Variants in ESCO2 observed in about 807,000 individuals in gnomAD.
ESCO2 encodes the protein N-acetyltransferase ESCO2.
A neutral mutation model predicts 61.7 loss-of-function variants in ESCO2; 51 were observed. That is an observed-to-expected ratio of 0.83 (90% CI 0.66 to 1.04). The LOEUF is 1.04. ESCO2 is among the 50% of genes least tolerant of loss of function. The probability of loss-of-function intolerance (pLI) is 0.00; values close to 1 mark genes in which losing one functional copy is unlikely to be tolerated. For missense variants in ESCO2, 692 were observed against 686.2 expected, an observed-to-expected ratio of 1.01 and a Z score of -0.09; for synonymous variants, 230 against 238.2, an observed-to-expected ratio of 0.97 and a Z score of 0.32.
At chr8:27,817,890 C>T in the ESCO2 span, among the ~76,000 whole-genome samples, 1 of 152,150 alleles carries the variant, frequency 6.6e-6, no homozygotes, top group South Asian at 2.1e-4. Context: ...ATTAAATCTC[C>T]TAAATCTGCA....
chr8:27,775,071 A>G (rs1448314670), intron 1 of ESCO2, among the ~76,000 whole-genome samples: 2 of 152,224 alleles, frequency 1.3e-5, no homozygotes, highest in South Asian at 4.1e-4. Context: ...CGAGCCACGT[A>G]GCCGCCTGCT....
intron 9 of ESCO2, among the ~76,000 whole-genome samples, chr8:27,797,041 G>A (rs1164609663): frequency 6.6e-6 from 1 of 152,188 alleles, no homozygotes; most frequent in East Asian, 1.9e-4. Flanking sequence ...GAGCCCAGGA[G>A]TTCGAAGCTG....
Position 27,776,949 on chromosome 8 carries a change from GAAAAAAATCTTCTCT to G in ESCO2, c.642_656del (p.Arg214_Leu219delinsSer). On this transcript the variant is annotated inframe_deletion, in exon 3 of 11. Transcript: ENST00000305188. Reference sequence around the variant, plus strand: ...CAGGGTGGAGCAGCATTTTTTGTTAGAAAAAAATCTTCTCTTAGAAAATCGTCCCTGGAAAATGAG... The same window carrying G: ...CAGGGTGGAGCAGCATTTTTTGTTAGTAGAAAATCGTCCCTGGAAAATGAG... 1 of 1,611,998 alleles carries G rather than the reference GAAAAAAATCTTCTCT, an allele frequency of 6.2e-7. No individual in the cohort carries two copies. Among genetic ancestry groups the G allele is most frequent in the Non-Finnish European group, 8.5e-7 (1 of 1,179,494 alleles).
chr8:27,798,545 G>A (rs1805354736), intron 9 of ESCO2, among the ~76,000 whole-genome samples: 1 of 151,480 alleles, frequency 6.6e-6, no homozygotes, highest in African/African-American at 2.4e-5. Context: ...AAGGAAAACT[G>A]ATGTACACAC....
Position 27,776,725 on chromosome 8 carries a change from A to G in ESCO2, c.417A>G (p.Lys139=). The change falls in exon 3 of 11, where the codon AAA becomes AAG. Residue 139 remains lysine (K), a synonymous_variant. Transcript: ENST00000305188. ...KPVCSKKNNK[K]PQKSLTAKYQ... is the part of the protein sequence containing the mutation. ...TCTGCTCCAAGAAGAACAACAAAAA[A>G]CCACAGAAGAGTTTAACTGCTAAGT... The G allele has an allele frequency of 1.2e-6, 2 of 1,613,930 alleles. No homozygotes were observed. Among genetic ancestry groups the G allele is most frequent in the Non-Finnish European group, 1.7e-6 (2 of 1,180,032 alleles).
At chr8:27,794,748 T>C (rs1264489776) in intron 9 of ESCO2, among the ~76,000 whole-genome samples, 1 of 152,198 alleles carries the variant, frequency 6.6e-6, no homozygotes, top group Admixed American at 6.5e-5. Flanking sequence ...GAGTTGATTT[T>C]TGTATGTGGT....
chr8:27,776,779 T>C lies in ESCO2; in HGVS notation c.471T>C (p.Pro157=). Residue 157 remains proline, a synonymous_variant, in exon 3 of 11, where the codon CCT becomes CCC. Coordinates refer to ENST00000305188, the MANE Select transcript of ESCO2 (RefSeq NM_001017420.3). ...AACCAAAGTATAGACACATCAAGCC[T>C]GTATCAAGGAATTCTAGAAATTCCA... ...KYQPKYRHIK[P]VSRNSRNSKQ... 1 of 1,614,044 alleles carries C rather than the reference T, an allele frequency of 6.2e-7. No individual in the cohort carries two copies. Among genetic ancestry groups the C allele is most frequent in the East Asian group, 2.2e-5 (1 of 44,880 alleles).
chr8:27,784,186 T>C, intron 5 of ESCO2, 129 bp downstream of exon 5: 1 of 763,340 alleles, frequency 1.3e-6, no homozygotes, highest in Non-Finnish European at 2.2e-6. Flanking sequence ...AATAGGAGAA[T>C]AATATTGAGA....
downstream of ESCO2, chr8:27,810,913 G>A (rs367675340): frequency 4.7e-5 from 56 of 1,201,646 alleles, no homozygotes; most frequent in African/African-American, 8.2e-4. Flanking sequence ...AATCTTTAGT[G>A]TGAAATGAAG....
downstream of ESCO2, among the ~76,000 whole-genome samples, chr8:27,808,520 A>T (rs972929240): frequency 2.0e-5 from 3 of 151,378 alleles, no homozygotes; most frequent in African/African-American, 4.9e-5. Flanking sequence ...CAAAAAATAA[A>T]AAAAAAAAAA....
intron 9 of ESCO2, among the ~76,000 whole-genome samples, chr8:27,797,901 A>G (rs1805336624): frequency 6.6e-6 from 1 of 152,088 alleles, no homozygotes; most frequent in Admixed American, 6.5e-5. Flanking sequence ...TCCTTCTTCG[A>G]TCTCAAAGAA....
downstream of ESCO2, chr8:27,811,296 A>G (rs1390945692): frequency 6.3e-6 from 4 of 636,926 alleles, no homozygotes; most frequent in East Asian, 2.7e-5. Flanking sequence ...ATTACTTTCT[A>G]CCTTTCAGGT....
In ESCO2 at chr8:27,805,267, G is replaced by A. The variant is rs1340730527; in HGVS notation, c.*1829G>A. On this transcript the variant is annotated 3_prime_UTR_variant, in exon 11 of 11. Coordinates refer to ENST00000305188, the MANE Select transcript of ESCO2 (RefSeq NM_001017420.3). ...CTGCAGTCCGCAGTCCGGCCTGGGC[G>A]ACAGAGCGAGACTCCGTCTCAAAAA... is the stretch of plus-strand genomic sequence containing the variant. 1.2e-5 allele frequency: 1 copy of A among 81,766 alleles called. No individual in the cohort carries two copies. The highest frequency in any genetic ancestry group is 6.3e-5 in the African/African-American group (1 of 15,806). 5.1% of individuals were successfully genotyped at this position (81,766 alleles called of 1,614,324 possible). A position where few individuals can be genotyped will look rare whatever the true frequency, so the allele number is the denominator to read the frequency against.
chr8:27,780,125 A>G, intron 3 of ESCO2, 49 bp from the exon 4 acceptor site: 1 of 1,143,570 alleles, frequency 8.7e-7, no homozygotes, highest in Non-Finnish European at 1.3e-6. Flanking sequence ...TCACTAGAAA[A>G]TAGTTAAAAA....
At chr8:27,775,889 C>A (rs1038833135) in intron 2 of ESCO2, among the ~76,000 whole-genome samples, 1 of 152,038 alleles carries the variant, frequency 6.6e-6, no homozygotes, top group African/African-American at 2.4e-5. Flanking sequence ...CTTTCTGTTC[C>A]CCTATAATAT....
chr8:27,797,248 A>G (rs1403170357), intron 9 of ESCO2, among the ~76,000 whole-genome samples: 2 of 152,152 alleles, frequency 1.3e-5, no homozygotes, highest in Admixed American at 6.6e-5. Flanking sequence ...AAATATTTAT[A>G]TATTTAGGTG....
At chr8:27,784,648 T>C (rs1210864482) in intron 5 of ESCO2, among the ~76,000 whole-genome samples, 1 of 152,142 alleles carries the variant, frequency 6.6e-6, no homozygotes, top group Non-Finnish European at 1.5e-5. Context: ...AAAGTATAGC[T>C]GAAGCTACCA....
At chr8:27,789,612 T>A (rs1251288022) in intron 7 of ESCO2, among the ~76,000 whole-genome samples, 6 of 152,004 alleles carry the variant, frequency 3.9e-5, no homozygotes, top group Non-Finnish European at 7.4e-5. Context: ...AAAACCTGTC[T>A]CTACTAAAAA....
At chr8:27,806,287 A>G (rs1805561828), downstream of ESCO2, among the ~76,000 whole-genome samples, 2 of 152,058 alleles carry the variant, frequency 1.3e-5, no homozygotes, top group Admixed American at 1.3e-4. Context: ...CAGGCATTCT[A>G]CTGGGGGTCT....
Sources: gnomAD v4.1 joint callset for allele counts (sites outside exome capture counted in the v4.1 genomes callset) on GRCh38, gnomAD v4.1.1 for gene constraint, MANE v1.5 for transcripts, NCBI Gene and HGNC (gene_info 2026-07-23, HGNC 2026-07-21) for gene names.